The following CHST11 variants were observed in gnomAD, a reference collection of about 807,000 sequenced individuals.
The protein encoded by CHST11 is C4S-1.
Under a neutral mutation model 30.4 loss-of-function variants are expected in CHST11, and 9 were observed. The ratio of observed to expected loss-of-function variants is 0.30; its 90% CI spans 0.18 to 0.52. The LOEUF (loss-of-function observed/expected upper bound fraction) is 0.52, where lower values mean the gene tolerates loss of function less well. Ranked by LOEUF, CHST11 falls within the 20% of genes least tolerant of loss-of-function variation. The probability of loss-of-function intolerance (pLI) is 0.97; values close to 1 mark genes in which losing one functional copy is unlikely to be tolerated. For missense variants in CHST11, 348 were observed against 460.6 expected (o/e 0.76, Z 2.24); for synonymous variants, 152 against 187.8 (o/e 0.81, Z 1.56).
chr12:104,644,320 C>T (rs1307036494), intron 2 of CHST11, among the ~76,000 whole-genome samples: 1 of 152,228 alleles, frequency 6.6e-6, no homozygotes, highest in Non-Finnish European at 1.5e-5. Flanking sequence ...CTCTCCACCG[C>T]TTATGATTCC....
Position 104,629,836 on chromosome 12 carries a change from A to T in CHST11, c.204+27845A>T, listed in dbSNP as rs555762573. Among the ~76,000 whole-genome samples the T allele has an allele frequency of 3.3e-3, 509 of 152,276 alleles. 2 individuals are homozygous for T. The highest frequency in any genetic ancestry group is 0.011 in the African/African-American group (466 of 41,546). On this transcript the variant is annotated intron_variant, in intron 2 of 2. Transcript: ENST00000303694. ...GGGACTCCATCTCAAAATTTTTTTT[A>T]AAAATGCATTTAATACACTTAACCT...
chr12:104,507,939 C>CAG (rs1454105205), intron 1 of CHST11, among the ~76,000 whole-genome samples: 1 of 152,208 alleles, frequency 6.6e-6, no homozygotes, highest in Admixed American at 6.5e-5. Flanking sequence ...GATGGCACTG[C>CAG]AGAGTCACAG....
At chr12:104,704,954 T>G (rs1237120737) in intron 2 of CHST11, among the ~76,000 whole-genome samples, 1 of 152,156 alleles carries the variant, frequency 6.6e-6, no homozygotes, top group Non-Finnish European at 1.5e-5. Context: ...TGGCATAGGT[T>G]TCTACCTGTT....
At chr12:104,522,552 C>A (rs572282048) in intron 1 of CHST11, among the ~76,000 whole-genome samples, 2 of 152,276 alleles carry the variant, frequency 1.3e-5, no homozygotes, top group Admixed American at 6.5e-5. Flanking sequence ...GCATCAGATA[C>A]CAGGGTTCCC....
chr12:104,616,372 A>G (rs963985458), intron 2 of CHST11, among the ~76,000 whole-genome samples: 4 of 152,164 alleles, frequency 2.6e-5, no homozygotes, highest in African/African-American at 4.8e-5. Flanking sequence ...TTTCCTACTC[A>G]AAGACAGATC....
Position 104,759,375 on chromosome 12 carries a change from T to C in CHST11, c.*1572T>C, listed in dbSNP as rs970437250. The stretch of plus-strand genomic sequence containing the variant: ...CATTTCCAGCCATTGCTGATGCTTC[T>C]CAGTTGAAGTTTGAGCCACATCCCT... On this transcript the variant is annotated 3_prime_UTR_variant, in exon 3 of 3. Coordinates refer to ENST00000303694, the MANE Select transcript of CHST11 (RefSeq NM_018413.6). The C allele has an allele frequency of 6.6e-6, 1 of 151,724 alleles. No homozygotes were observed. The highest frequency in any genetic ancestry group is 2.1e-4 in the South Asian group (1 of 4,814). The allele number at this position is 151,724 out of a possible 1,614,324, so 9.4% of individuals were successfully genotyped here.
At chr12:104,606,562 G>A (rs904353488) in intron 2 of CHST11, among the ~76,000 whole-genome samples, 1 of 152,160 alleles carries the variant, frequency 6.6e-6, no homozygotes, top group Non-Finnish European at 1.5e-5. Flanking sequence ...CAATCACACA[G>A]CTCCTAAATG....
intron 2 of CHST11, among the ~76,000 whole-genome samples, chr12:104,717,161 C>G (rs1231423914): frequency 6.6e-6 from 1 of 152,194 alleles, no homozygotes; most frequent in Non-Finnish European, 1.5e-5. Flanking sequence ...CATCTGCTAC[C>G]TTGATTCCCC....
intron 1 of CHST11, among the ~76,000 whole-genome samples, chr12:104,562,610 T>C (rs1249031849): frequency 6.6e-6 from 1 of 152,206 alleles, no homozygotes; most frequent in African/African-American, 2.4e-5. Context: ...GATATCAAAA[T>C]CATTATCCAA....
chr12:104,728,608 T>C lies in CHST11; in HGVS notation c.205-28341T>C, dbSNP rs140627309. The stretch of plus-strand genomic sequence containing the variant: ...GGAAGGTGCCAGCTCCTGTACTTCA[T>C]TGGCCATGATGTGCTCTTGTCCCAC... On this transcript the variant is annotated intron_variant, in intron 2 of 2. Transcript: ENST00000303694. Among the ~76,000 whole-genome samples the C allele has an allele frequency of 2.2e-3, 341 of 152,328 alleles. 3 individuals are homozygous for C. The highest frequency in any genetic ancestry group is 7.7e-3 in the African/African-American group (319 of 41,570).
chr12:104,539,937 G>A (rs2038271477), intron 1 of CHST11, among the ~76,000 whole-genome samples: 1 of 152,110 alleles, frequency 6.6e-6, no homozygotes, highest in African/African-American at 2.4e-5. Flanking sequence ...GCCTCCCAAA[G>A]TGCTGGGATT....
At position 104,487,728 on chromosome 12, in the gene CHST11, A is replaced by T. The variant is rs532849840; in HGVS notation, c.118+30199A>T. On this transcript the variant is annotated intron_variant, in intron 1 of 2. Transcript: ENST00000303694. ...AATGCATACGAAACAGTATGTACCT[A>T]TTTTTTTTTTTTTAAACAAAGTGGA... Among the ~76,000 whole-genome samples the T allele has an allele frequency of 2.3e-3, 341 of 147,564 alleles. 2 individuals are homozygous for T. The highest frequency in any genetic ancestry group is 7.9e-3 in the African/African-American group (317 of 40,140).
chr12:104,545,340 A>T (rs531311540), intron 1 of CHST11, among the ~76,000 whole-genome samples: 1 of 152,324 alleles, frequency 6.6e-6, no homozygotes, highest in East Asian at 1.9e-4. Context: ...TATTGACATC[A>T]GGTGTTGTGA....
chr12:104,702,167 C>T (rs2039994997), intron 2 of CHST11, among the ~76,000 whole-genome samples: 1 of 152,162 alleles, frequency 6.6e-6, no homozygotes, highest in Admixed American at 6.5e-5. Context: ...TTTAATTCAC[C>T]CTACCATCTT....
chr12:104,624,740 A>G (rs1340063766), intron 2 of CHST11, among the ~76,000 whole-genome samples: 1 of 152,156 alleles, frequency 6.6e-6, no homozygotes, highest in Non-Finnish European at 1.5e-5. Context: ...TGCCATAACA[A>G]CATACCACGG....
intron 2 of CHST11, among the ~76,000 whole-genome samples, chr12:104,677,212 T>C (rs1019492820): frequency 2.0e-5 from 3 of 152,214 alleles, no homozygotes; most frequent in Non-Finnish European, 4.4e-5. Flanking sequence ...TTAATGTTCC[T>C]GTAATAACAA....
chr12:104,622,726 A>G (rs1018856772), intron 2 of CHST11, among the ~76,000 whole-genome samples: 2 of 152,198 alleles, frequency 1.3e-5, no homozygotes, highest in African/African-American at 4.8e-5. Context: ...CAGTTTCCTC[A>G]TCTCCCAATG....
At chr12:104,475,146 A>G (rs1817180413) in intron 1 of CHST11, among the ~76,000 whole-genome samples, 2 of 152,210 alleles carry the variant, frequency 1.3e-5, no homozygotes, top group African/African-American at 4.8e-5. Context: ...TAAAATGAAT[A>G]ATTACTGTTC....
intron 2 of CHST11, among the ~76,000 whole-genome samples, chr12:104,744,933 G>A (rs1049808908): frequency 2.0e-5 from 3 of 152,100 alleles, no homozygotes; most frequent in Non-Finnish European, 2.9e-5. Flanking sequence ...GAGTGCAATG[G>A]CATGATCTCG....
Sources: gnomAD v4.1 joint callset for allele counts (sites outside exome capture counted in the v4.1 genomes callset) on GRCh38, gnomAD v4.1.1 for gene constraint, MANE v1.5 for transcripts, NCBI Gene and HGNC (gene_info 2026-07-23, HGNC 2026-07-21) for gene names.